The following KIF6 variants were observed in gnomAD, a reference collection of about 807,000 sequenced individuals.
KIF6 encodes the protein kinesin-like protein KIF6.
Under a neutral mutation model 112.7 loss-of-function variants are expected in KIF6, and 106 were observed. The ratio of observed to expected loss-of-function variants is 0.94; its 90% CI spans 0.80 to 1.11. KIF6 has a LOEUF of 1.11. Among genes scored for constraint, KIF6 ranks in the 50% least tolerant of loss-of-function variants. The probability of loss-of-function intolerance (pLI) is 0.00; values close to 1 mark genes in which losing one functional copy is unlikely to be tolerated. For missense variants in KIF6, 929 were observed against 964.0 expected, an observed-to-expected ratio of 0.96 and a Z score of 0.48; for synonymous variants, 339 against 339.9, an observed-to-expected ratio of 1.00 and a Z score of 0.03.
chr6:39,393,741 G>A (rs949726208), intron 15 of KIF6, among the ~76,000 whole-genome samples: 1 of 152,026 alleles, frequency 6.6e-6, no homozygotes, highest in East Asian at 1.9e-4. Context: ...TTGGGAGGAG[G>A]ATATATTTGG....
At chr6:39,584,145 G>A (rs192042749) in intron 9 of KIF6, among the ~76,000 whole-genome samples, 3 of 151,742 alleles carry the variant, frequency 2.0e-5, no homozygotes, top group Non-Finnish European at 2.9e-5. Flanking sequence ...TTATTGGCCC[G>A]GCGCGGTGGC....
At chr6:39,360,284 C>A in intron 18 of KIF6, 111 bp downstream of exon 18, 1 of 1,253,376 alleles carries the variant, frequency 8.0e-7, no homozygotes, top group South Asian at 1.4e-5. Context: ...TGAGCAGGGG[C>A]TGAGACCATG....
chr6:39,347,038 G>A (rs1465884434), intron 19 of KIF6, among the ~76,000 whole-genome samples: 2 of 152,176 alleles, frequency 1.3e-5, no homozygotes, highest in Non-Finnish European at 2.9e-5. Context: ...TGATAGACAC[G>A]CCAGGCTTCG....
chr6:39,368,636 G>A (rs1765746765), intron 16 of KIF6, among the ~76,000 whole-genome samples: 1 of 152,154 alleles, frequency 6.6e-6, no homozygotes, highest in Non-Finnish European at 1.5e-5. Context: ...CGAAATCCAT[G>A]ACCTGTGCCC....
chr6:39,343,622 C>T lies in KIF6; in HGVS notation c.2428+87G>A. 2.5e-6 allele frequency: 3 copies of T among 1,203,314 alleles called. 1 individual carries two copies. In the South Asian group the frequency reaches 4.5e-5, roughly 18 times the overall value. The allele number at this position is 1,203,314 out of a possible 1,614,324, so 74.5% of individuals were successfully genotyped here. A position where few individuals can be genotyped will look rare whatever the true frequency, so the allele number is the denominator to read the frequency against. On this transcript the variant is annotated intron_variant, in intron 22 of 22. Transcript: ENST00000287152. The surrounding 1 kb of genome is among the most constrained non-coding windows in gnomAD (Gnocchi z 4.1). ...GGCTTCAGGAATATGCAGGAAACTC[C>T]CTACTCCCCTCCCACCTCACTGTGT...
intron 13 of KIF6, among the ~76,000 whole-genome samples, chr6:39,514,850 A>C (rs1407501215): frequency 1.3e-5 from 2 of 152,236 alleles, no homozygotes; most frequent in Admixed American, 6.5e-5. Context: ...CAAATGGAAA[A>C]TAATATAACA....
At chr6:39,479,405 G>C (rs979285111) in intron 13 of KIF6, among the ~76,000 whole-genome samples, 6 of 152,088 alleles carry the variant, frequency 3.9e-5, no homozygotes, top group African/African-American at 1.2e-4. Flanking sequence ...TTAGTTGGCT[G>C]TAAGTATTTG....
chr6:39,671,640 C>T (rs1582414826), intron 3 of KIF6, among the ~76,000 whole-genome samples: 1 of 152,312 alleles, frequency 6.6e-6, no homozygotes, highest in Non-Finnish European at 1.5e-5. Flanking sequence ...AGCTGACTTC[C>T]CTCAATGACA....
chr6:39,522,703 T>A (rs561428796), intron 13 of KIF6, among the ~76,000 whole-genome samples: 20 of 152,304 alleles, frequency 1.3e-4, no homozygotes, highest in African/African-American at 4.8e-4. Flanking sequence ...ACCACATCCA[T>A]CTCCTTCAAA....
intron 7 of KIF6, among the ~76,000 whole-genome samples, chr6:39,591,522 G>C (rs945791912): frequency 2.0e-5 from 3 of 152,168 alleles, no homozygotes; most frequent in Non-Finnish European, 2.9e-5. Context: ...CAGTGATATG[G>C]AAGGAAATGT....
intron 3 of KIF6, among the ~76,000 whole-genome samples, chr6:39,707,333 C>A (rs766830494): frequency 6.6e-6 from 1 of 152,176 alleles, no homozygotes; most frequent in Non-Finnish European, 1.5e-5. Flanking sequence ...CAACTAGTAT[C>A]TACAAGTTTT....
At chr6:39,521,296 T>G (rs751964212) in intron 13 of KIF6, among the ~76,000 whole-genome samples, 10 of 152,200 alleles carry the variant, frequency 6.6e-5, no homozygotes, top group Admixed American at 1.3e-4. Context: ...TTGATCTAAT[T>G]CTATTGCTCT....
At chr6:39,486,502 C>A (rs750142426) in intron 13 of KIF6, among the ~76,000 whole-genome samples, 9 of 152,178 alleles carry the variant, frequency 5.9e-5, no homozygotes, top group Non-Finnish European at 8.8e-5. Flanking sequence ...TCCCAATACA[C>A]AAAATCATGA....
intron 7 of KIF6, among the ~76,000 whole-genome samples, chr6:39,594,298 G>C (rs1335836880): frequency 6.6e-6 from 1 of 151,908 alleles, no homozygotes; most frequent in Non-Finnish European, 1.5e-5. Context: ...ACCTAATTTT[G>C]CATGAACAGA....
intron 13 of KIF6, among the ~76,000 whole-genome samples, chr6:39,496,688 G>A (rs1002888710): frequency 2.6e-5 from 4 of 152,112 alleles, no homozygotes; most frequent in African/African-American, 9.7e-5. Flanking sequence ...GCCAACAGAA[G>A]CCTCTTGATA....
At chr6:39,367,141 A>G (rs1156731986) in intron 16 of KIF6, among the ~76,000 whole-genome samples, 1 of 152,216 alleles carries the variant, frequency 6.6e-6, no homozygotes, top group African/African-American at 2.4e-5. Context: ...CAGCCTCACC[A>G]GGAGACAGCC....
intron 3 of KIF6, among the ~76,000 whole-genome samples, chr6:39,711,048 T>A (rs1424364083): frequency 6.7e-6 from 1 of 149,348 alleles, no homozygotes; most frequent in Non-Finnish European, 1.5e-5. Flanking sequence ...ATTAAAAAAT[T>A]AAATAATAAA....
rs1256211911 is a variant in KIF6 at position 39,332,301 on chromosome 6, T to G, written c.*4231A>C. ...TCATGGCCCATATTTTCCTGCTTCT[T>G]TGCATGCCTGATTATTTTTTAATGG... On this transcript the variant is annotated 3_prime_UTR_variant, in exon 23 of 23. Coordinates refer to ENST00000287152, the MANE Select transcript of KIF6 (RefSeq NM_145027.6). 1 of 152,224 alleles carries G rather than the reference T, an allele frequency of 6.6e-6. No homozygotes were observed. Among genetic ancestry groups the G allele is most frequent in the Non-Finnish European group, 1.5e-5 (1 of 68,044 alleles). The allele number at this position is 152,224 out of a possible 1,614,324, so 9.4% of individuals were successfully genotyped here.
intron 15 of KIF6, among the ~76,000 whole-genome samples, chr6:39,389,498 T>C (rs2150320375): frequency 6.6e-6 from 1 of 152,312 alleles, no homozygotes; most frequent in Middle Eastern, 3.4e-3. Context: ...TAGAAGGCTC[T>C]ATCCTAACCT....
Sources: gnomAD v4.1 joint callset for allele counts (sites outside exome capture counted in the v4.1 genomes callset) on GRCh38, gnomAD v4.1.1 for gene constraint, Gnocchi (gnomAD v3.1) non-coding constraint, MANE v1.5 for transcripts, NCBI Gene and HGNC (gene_info 2026-07-23, HGNC 2026-07-21) for gene names.